MICU2: variants seen among roughly 807,000 people sequenced by gnomAD.
MICU2 encodes mitochondrial calcium uptake 2, also known as calcium uptake protein 2, mitochondrial.
MICU2 carries 64 observed loss-of-function variants against 60.4 expected under a neutral mutation model. The ratio of observed to expected loss-of-function variants is 1.06; its 90% CI spans 0.87 to 1.31. The LOEUF is 1.31. Ranked by LOEUF, MICU2 falls within the 50% of genes most tolerant of loss-of-function variation. MICU2 has a pLI of 0.00. For missense variants in MICU2, 569 were observed against 531.0 expected (o/e 1.07, Z -0.70); for synonymous variants, 201 against 175.0 (o/e 1.15, Z -1.17).
chr13:21,539,634 G>GC (rs1405891487), intron 3 of MICU2, 23 bp downstream of exon 3: 9 of 1,613,784 alleles, frequency 5.6e-6, no homozygotes, highest in Non-Finnish European at 7.6e-6. Context: ...AACAAACCCT[G>GC]CCCCCCACAA....
intron 1 of MICU2, among the ~76,000 whole-genome samples, chr13:21,597,519 T>C (rs1180189566): frequency 2.6e-5 from 4 of 152,132 alleles, no homozygotes; most frequent in Non-Finnish European, 5.9e-5. Flanking sequence ...TCACCCTAGA[T>C]AAACATTTAT....
intron 2 of MICU2, among the ~76,000 whole-genome samples, chr13:21,545,581 T>C (rs1480106920): frequency 1.3e-5 from 2 of 151,916 alleles, no homozygotes; most frequent in Non-Finnish European, 2.9e-5. Flanking sequence ...CTCTGGAGGC[T>C]GAGGCAGGAG....
intron 1 of MICU2, among the ~76,000 whole-genome samples, chr13:21,597,895 C>A (rs1888729015): frequency 7.8e-6 from 1 of 127,766 alleles, no homozygotes; most frequent in Non-Finnish European, 1.6e-5. Flanking sequence ...CACGCCACTG[C>A]ACTCCAGCCT....
intron 8 of MICU2, among the ~76,000 whole-genome samples, chr13:21,503,520 A>C (rs1187585619): frequency 1.3e-5 from 2 of 152,242 alleles, no homozygotes; most frequent in Non-Finnish European, 2.9e-5. Context: ...AATCATAATT[A>C]CTACTTCCTA....
At chr13:21,498,366 ATTC>A (rs1886053736) in intron 9 of MICU2, among the ~76,000 whole-genome samples, 1 of 93,874 alleles carries the variant, frequency 1.1e-5, no homozygotes, top group Non-Finnish European at 2.0e-5. Context: ...GAAATATCCT[ATTC>A]TTTTTTTTTT....
At chr13:21,591,249 C>T (rs1197122535) in intron 1 of MICU2, among the ~76,000 whole-genome samples, 4 of 150,806 alleles carry the variant, frequency 2.7e-5, no homozygotes, top group Non-Finnish European at 4.4e-5. Context: ...ACAAAACAGA[C>T]CTTAAATCAA....
At chr13:21,504,684 T>C (rs1045065793) in intron 8 of MICU2, among the ~76,000 whole-genome samples, 1 of 152,130 alleles carries the variant, frequency 6.6e-6, no homozygotes. Context: ...AGTGGGTTAA[T>C]TGGAAACAAT....
intron 1 of MICU2, among the ~76,000 whole-genome samples, chr13:21,584,837 T>C (rs1324687414): frequency 2.0e-5 from 3 of 152,340 alleles, no homozygotes; most frequent in African/African-American, 7.2e-5. Flanking sequence ...ATGGTGTGTT[T>C]ATGCACTGTT....
chr13:21,578,288 T>C (rs1429303366), intron 1 of MICU2, among the ~76,000 whole-genome samples: 6 of 152,090 alleles, frequency 3.9e-5, no homozygotes, highest in Admixed American at 2.0e-4. Context: ...AAGTGTGTCC[T>C]TAAAAAATAA....
chr13:21,576,208 A>G (rs1216698553), intron 1 of MICU2, among the ~76,000 whole-genome samples: 2 of 152,226 alleles, frequency 1.3e-5, no homozygotes, highest in Non-Finnish European at 2.9e-5. Context: ...AGTGTTATAT[A>G]ATTAAATTTG....
intron 1 of MICU2, among the ~76,000 whole-genome samples, chr13:21,589,845 A>G (rs1888541881): frequency 6.6e-6 from 1 of 151,960 alleles, no homozygotes; most frequent in South Asian, 2.1e-4. Flanking sequence ...GTCTAACCCT[A>G]GCCAATGGAA....
chr13:21,532,394 AT>A (rs1593329777), intron 4 of MICU2, among the ~76,000 whole-genome samples: 1 of 152,162 alleles, frequency 6.6e-6, no homozygotes, highest in South Asian at 2.1e-4. Context: ...AAAGAAAAAC[AT>A]TTTACTTGTC....
chr13:21,602,805 G>A (rs867598875), intron 1 of MICU2: 1 of 152,034 alleles, frequency 6.6e-6, no homozygotes, highest in African/African-American at 2.4e-5. Flanking sequence ...TCGCTAGAAA[G>A]GCATAATGTA....
intron 1 of MICU2, among the ~76,000 whole-genome samples, chr13:21,587,612 T>A (rs1229983735): frequency 6.6e-6 from 1 of 152,218 alleles, no homozygotes; most frequent in African/African-American, 2.4e-5. Flanking sequence ...ATAGGAACAA[T>A]ACGAATGGAT....
At chr13:21,571,251 T>C (rs1888101046) in intron 1 of MICU2, among the ~76,000 whole-genome samples, 1 of 152,200 alleles carries the variant, frequency 6.6e-6, no homozygotes, top group South Asian at 2.1e-4. Context: ...AAACGGCTTG[T>C]AGACTTAAGT....
chr13:21,543,618 A>T (rs997868340), intron 2 of MICU2, among the ~76,000 whole-genome samples: 4 of 152,196 alleles, frequency 2.6e-5, no homozygotes, highest in Non-Finnish European at 5.9e-5. Flanking sequence ...TGAGGAGGTG[A>T]AAACCTTCAC....
At chr13:21,568,550 G>A (rs1208400420) in intron 1 of MICU2, among the ~76,000 whole-genome samples, 1 of 152,124 alleles carries the variant, frequency 6.6e-6, no homozygotes, top group Non-Finnish European at 1.5e-5. Context: ...TTTTAAACGT[G>A]GGGCAAATAT....
intron 4 of MICU2, among the ~76,000 whole-genome samples, chr13:21,523,502 G>A (rs1200027): frequency 0.16 from 24,163 of 152,214 alleles, 2,303 homozygotes; most frequent in African/African-American, 0.26. Context: ...TATTTAAAAC[G>A]TAGTAATTAG....
At chr13:21,495,989 T>G in intron 10 of MICU2, 63 bp downstream of exon 10, 3 of 1,161,076 alleles carry the variant, frequency 2.6e-6, no homozygotes, top group Non-Finnish European at 3.7e-6. Context: ...TAGCATTTAG[T>G]TGAAGAATAT....
Sources: gnomAD v4.1 joint callset for allele counts (sites outside exome capture counted in the v4.1 genomes callset) on GRCh38, gnomAD v4.1.1 for gene constraint, MANE v1.5 for transcripts, NCBI Gene and HGNC (gene_info 2026-07-23, HGNC 2026-07-21) for gene names.